The following FBXO47 variants were observed in gnomAD, a reference collection of about 807,000 sequenced individuals.
FBXO47 encodes F-box protein 47.
A neutral mutation model predicts 53.9 loss-of-function variants in FBXO47; 34 were observed. The observed-to-expected ratio is 0.63, with a 90% CI of 0.48 to 0.84. FBXO47 has a LOEUF of 0.84. FBXO47 is among the 40% of genes least tolerant of loss of function. The pLI, the probability that FBXO47 is intolerant of heterozygous loss-of-function variation, is 0.00. For synonymous variants in FBXO47, 165 were observed against 181.6 expected, an observed-to-expected ratio of 0.91 and a Z score of 0.73; for missense variants, 485 against 541.3, an observed-to-expected ratio of 0.90 and a Z score of 1.03.
At chr17:38,949,458 C>T (rs1290335513) in intron 6 of FBXO47, among the ~76,000 whole-genome samples, 27 of 146,908 alleles carry the variant, frequency 1.8e-4, no homozygotes, top group African/African-American at 5.9e-4. Context: ...ACAACAATAA[C>T]AACAACAACA....
chr17:38,952,834 T>G (rs1028528534), intron 5 of FBXO47, among the ~76,000 whole-genome samples: 80 of 109,424 alleles, frequency 7.3e-4, no homozygotes, highest in East Asian at 2.9e-3. Flanking sequence ...TTTTTTTTTT[T>G]GTAGAGATGG....
At position 38,953,495 on chromosome 17, in the gene FBXO47, C is replaced by T. The variant is rs922183689; in HGVS notation, c.507+1361G>A. On this transcript the variant is annotated intron_variant, in intron 5 of 10. Transcript: ENST00000378079. ...CAAAAATTAGCTGGGTGTGGTAGCG[C>T]ATACCTGTAATCCCACCTACTTGGG... is the stretch of plus-strand genomic sequence containing the variant. Among the ~76,000 whole-genome samples the T allele has an allele frequency of 1.3e-4, 20 of 151,500 alleles. No individual in the cohort carries two copies. In the South Asian group the frequency reaches 1.5e-3, roughly 11 times the overall value.
intron 6 of FBXO47, among the ~76,000 whole-genome samples, chr17:38,950,893 G>A (rs1345456682): frequency 6.6e-6 from 1 of 151,712 alleles, no homozygotes; most frequent in African/African-American, 2.4e-5. Context: ...GTAGATGTGT[G>A]CCACAATTTA....
In FBXO47 at chr17:38,953,167, A is replaced by AC. The variant is rs1567719879; in HGVS notation, c.508-1479_508-1478insG. On this transcript the variant is annotated intron_variant, in intron 5 of 10. Coordinates refer to ENST00000378079, the MANE Select transcript of FBXO47 (RefSeq NM_001008777.3). ...CACACACACACACACACACACACAC[A>AC]AAATAGCTAGGTGTGGTGGCAGGCC... Among the ~76,000 whole-genome samples, 380 of 139,798 alleles carry AC rather than the reference A, an allele frequency of 2.7e-3. 4 individuals carry two copies. The highest frequency in any genetic ancestry group is 0.011 in the African/African-American group (355 of 33,272). The allele number at this position is 139,798 out of a possible 152,430, so 91.7% of individuals were successfully genotyped here.
At chr17:38,959,650 GTGTGTGTA>G (rs1003033303) in intron 3 of FBXO47, among the ~76,000 whole-genome samples, 6 of 149,796 alleles carry the variant, frequency 4.0e-5, no homozygotes, top group African/African-American at 1.5e-4. Context: ...GTGTGTGTGT[GTGTGTGTA>G]TGAATATGAG....
chr17:38,939,652 C>CTTTTTTTTT (rs970784178), intron 9 of FBXO47, among the ~76,000 whole-genome samples: 1 of 91,110 alleles, frequency 1.1e-5, no homozygotes, highest in Non-Finnish European at 2.1e-5. Flanking sequence ...TAAAAGGTTT[C>CTTTTTTTTT]TTTTTTTTTT....
chr17:38,947,175 C>A (rs1320935905), intron 6 of FBXO47, among the ~76,000 whole-genome samples: 1 of 148,712 alleles, frequency 6.7e-6, no homozygotes, highest in Non-Finnish European at 1.5e-5. Flanking sequence ...TGGCACGTGC[C>A]TTTGATCCCA....
Position 38,956,871 on chromosome 17 carries a change from C to T in FBXO47, c.429+306G>A, listed in dbSNP as rs570395469. On this transcript the variant is annotated intron_variant, in intron 4 of 10. Transcript: ENST00000378079. Reference sequence around the variant, plus strand: ...TCACTTTAATACAATATCTACATCACTACTTTAAAACTTCCTCAGGATTTG... The same window carrying T: ...TCACTTTAATACAATATCTACATCATTACTTTAAAACTTCCTCAGGATTTG... Among the ~76,000 whole-genome samples the T allele has an allele frequency of 7.2e-5, 11 of 152,238 alleles. No individual in the cohort carries two copies. The East Asian group carries it at 1.2e-3, about 16-fold the overall frequency.
intron 6 of FBXO47, among the ~76,000 whole-genome samples, chr17:38,949,446 AAAC>A (rs1286840823): frequency 1.3e-4 from 20 of 151,616 alleles, no homozygotes; most frequent in African/African-American, 9.7e-5. Flanking sequence ...AAACAAAACA[AAAC>A]AACAATAACA....
At chr17:38,947,024 A>C (rs1196671449) in intron 6 of FBXO47, among the ~76,000 whole-genome samples, 3 of 135,664 alleles carry the variant, frequency 2.2e-5, no homozygotes. Flanking sequence ...ATATATAAAC[A>C]TATACAAATA....
intron 5 of FBXO47, among the ~76,000 whole-genome samples, chr17:38,954,364 GTGTT>G (rs199981194): frequency 0.011 from 1,682 of 152,156 alleles, 14 homozygotes; most frequent in Non-Finnish European, 0.019. Context: ...GCTTAGAACA[GTGTT>G]TGGCACACAC....
intron 7 of FBXO47, among the ~76,000 whole-genome samples, chr17:38,943,941 C>T (rs1317711544): frequency 2.6e-5 from 4 of 152,090 alleles, no homozygotes; most frequent in Non-Finnish European, 5.9e-5. Context: ...CCTGTAATCC[C>T]AGCACTTTAG....
chr17:38,962,613 A>C (rs1780562469), intron 2 of FBXO47, among the ~76,000 whole-genome samples: 2 of 147,514 alleles, frequency 1.4e-5, no homozygotes, highest in South Asian at 4.2e-4. Context: ...TCTCAAAATA[A>C]TAATAATAAT....
intron 10 of FBXO47, 102 bp downstream of exon 10, chr17:38,938,471 T>C: frequency 1.2e-6 from 1 of 802,850 alleles, no homozygotes; most frequent in Non-Finnish European, 1.8e-6. Context: ...GCTTTTTTTT[T>C]TTTTTCCATT....
intron 6 of FBXO47, among the ~76,000 whole-genome samples, chr17:38,946,283 TATAA>T (rs1904800347): frequency 1.1e-5 from 1 of 95,132 alleles, no homozygotes; most frequent in Non-Finnish European, 1.9e-5. Flanking sequence ...TAAAAATATA[TATAA>T]ATATATAAAA....
intron 6 of FBXO47, among the ~76,000 whole-genome samples, chr17:38,946,819 TATATAA>T (rs1299507383): frequency 2.5e-5 from 2 of 81,470 alleles, no homozygotes; most frequent in Non-Finnish European, 4.1e-5. Context: ...CATATATAAA[TATATAA>T]ATATATAAAT....
At chr17:38,946,756 A>G (rs1180370253) in intron 6 of FBXO47, among the ~76,000 whole-genome samples, 2 of 95,450 alleles carry the variant, frequency 2.1e-5, no homozygotes, top group Non-Finnish European at 1.8e-5. Context: ...ATACAAATAT[A>G]TATAAACATA....
At chr17:38,965,292 T>C (rs944650299) in intron 1 of FBXO47, among the ~76,000 whole-genome samples, 1 of 152,258 alleles carries the variant, frequency 6.6e-6, no homozygotes, top group African/African-American at 2.4e-5. Context: ...TCCTTGTTTC[T>C]GAAGTAACAA....
At chr17:38,959,394 C>A (rs1219829968) in intron 3 of FBXO47, among the ~76,000 whole-genome samples, 1 of 151,552 alleles carries the variant, frequency 6.6e-6, no homozygotes, top group Non-Finnish European at 1.5e-5. Context: ...ACCAGCCTGG[C>A]CAACATAGTG....
Sources: allele counts gnomAD v4.1 joint callset (sites outside exome capture counted in the v4.1 genomes callset), GRCh38; gene constraint gnomAD v4.1.1; transcripts MANE v1.5; gene names NCBI Gene and HGNC (gene_info 2026-07-23, HGNC 2026-07-21).